The following CNTLN variants were observed in gnomAD, a reference collection of about 807,000 sequenced individuals.
CNTLN encodes the protein centlein, centrosomal protein.
CNTLN carries 212 observed loss-of-function variants against 180.0 expected under a neutral mutation model. The ratio of observed to expected loss-of-function variants is 1.18; its 90% CI spans 1.05 to 1.32. CNTLN has a LOEUF of 1.32. CNTLN is among the 40% of genes most tolerant of loss of function. The pLI is 0.00. For missense variants in CNTLN, 2,095 were observed against 1,610.9 expected (o/e 1.30, Z -5.14); for synonymous variants, 722 against 563.1 (o/e 1.28, Z -3.99).
intron 18 of CNTLN, among the ~76,000 whole-genome samples, chr9:17,422,627 T>C (rs1037475222): frequency 1.3e-5 from 2 of 152,184 alleles, no homozygotes; most frequent in Non-Finnish European, 2.9e-5. Context: ...TGTGTTTTCT[T>C]GGTTCATTGA....
chr9:17,354,206 C>G (rs1487354266), intron 12 of CNTLN, among the ~76,000 whole-genome samples: 1 of 152,200 alleles, frequency 6.6e-6, no homozygotes, highest in Non-Finnish European at 1.5e-5. Context: ...CCCGCCATGC[C>G]TGAGCCTCCC....
At chr9:17,400,827 T>C (rs528125828) in intron 15 of CNTLN, among the ~76,000 whole-genome samples, 1 of 152,146 alleles carries the variant, frequency 6.6e-6, no homozygotes, top group Non-Finnish European at 1.5e-5. Flanking sequence ...ATATGAAAAA[T>C]TCTGCAATCA....
chr9:17,462,961 T>C lies in CNTLN; in HGVS notation c.3352T>C (p.Leu1118=). Residue 1118 remains leucine (L), a synonymous_variant, in exon 20 of 26, where the codon TTG becomes CTG. Transcript: ENST00000380647. ...LTKQSSNVKT[L]KFELLAKEEH... Reference sequence around the variant, plus strand: ...TAAACAGTCATCAAATGTGAAGACTTTGAAATTTGAACTCCTAGCAAAAGA... The same window carrying C: ...TAAACAGTCATCAAATGTGAAGACTCTGAAATTTGAACTCCTAGCAAAAGA... The C allele has an allele frequency of 6.3e-7, 1 of 1,584,526 alleles. No homozygotes were observed. The highest frequency in any genetic ancestry group is 8.6e-7 in the Non-Finnish European group (1 of 1,169,000).
chr9:17,483,343 A>G (rs1035269201), intron 23 of CNTLN, among the ~76,000 whole-genome samples: 2 of 152,080 alleles, frequency 1.3e-5, no homozygotes, highest in Non-Finnish European at 2.9e-5. Context: ...CTTTTTATAC[A>G]TTCTTTGTGG....
chr9:17,298,944 A>G (rs1032791375), intron 7 of CNTLN: 1 of 981,652 alleles, frequency 1.0e-6, no homozygotes, highest in Non-Finnish European at 1.2e-6. Context: ...TCTACTAATT[A>G]AAAAAAATAC....
chr9:17,425,757 G>C (rs1829039769), intron 18 of CNTLN, among the ~76,000 whole-genome samples: 1 of 152,076 alleles, frequency 6.6e-6, no homozygotes, highest in African/African-American at 2.4e-5. Context: ...AAAAACCTTG[G>C]ATTGGCTGAA....
At chr9:17,526,851 T>A in the CNTLN span, among the ~76,000 whole-genome samples, 1 of 137,396 alleles carries the variant, frequency 7.3e-6, no homozygotes, top group African/African-American at 3.3e-5. Flanking sequence ...CTAATCTCTC[T>A]TTTTTTTTTG....
chr9:17,267,472 T>G (rs1205744728), intron 5 of CNTLN, among the ~76,000 whole-genome samples: 1 of 152,136 alleles, frequency 6.6e-6, no homozygotes, highest in Non-Finnish European at 1.5e-5. Flanking sequence ...GCCCTTAACA[T>G]TTTTTCCTTC....
chr9:17,457,739 T>C, intron 19 of CNTLN, 24 bp downstream of exon 19: 2 of 1,343,236 alleles, frequency 1.5e-6, no homozygotes, highest in Non-Finnish European at 2.0e-6. Flanking sequence ...TTATTAAGCA[T>C]GAAAACATAC....
intron 18 of CNTLN, among the ~76,000 whole-genome samples, chr9:17,417,827 G>T (rs1160312558): frequency 6.6e-6 from 1 of 151,336 alleles, no homozygotes; most frequent in East Asian, 1.9e-4. Context: ...TCTAATTTTT[G>T]AGGTGCCATA....
At chr9:17,236,348 T>G (rs142154550) in intron 4 of CNTLN, 61 bp from the exon 5 acceptor site, 3 of 1,391,524 alleles carry the variant, frequency 2.2e-6, no homozygotes, top group Non-Finnish European at 1.9e-6. Context: ...GTGCTCACCA[T>G]TTTTTGGGTT....
intron 13 of CNTLN, among the ~76,000 whole-genome samples, chr9:17,387,913 G>T (rs1825805074): frequency 6.8e-6 from 1 of 147,640 alleles, no homozygotes; most frequent in Non-Finnish European, 1.5e-5. Context: ...TTGTTAACCT[G>T]AAGATCTATT....
chr9:17,284,232 T>C (rs1018451247), intron 6 of CNTLN, among the ~76,000 whole-genome samples: 9 of 152,138 alleles, frequency 5.9e-5, no homozygotes, highest in Admixed American at 5.9e-4. Flanking sequence ...TGGCCTGAAG[T>C]TTTTATTTTC....
intron 19 of CNTLN, among the ~76,000 whole-genome samples, chr9:17,462,550 G>A (rs542596200): frequency 5.9e-5 from 9 of 151,858 alleles, no homozygotes; most frequent in African/African-American, 2.2e-4. Context: ...TTTCGTCTAA[G>A]ATGTTAGTAA....
chr9:17,294,693 C>T (rs1000384594), intron 6 of CNTLN, among the ~76,000 whole-genome samples: 33 of 145,724 alleles, frequency 2.3e-4, no homozygotes, highest in Non-Finnish European at 4.1e-4. Context: ...ACTCCTCAGC[C>T]CTTGGATGGG....
intron 25 of CNTLN, chr9:17,495,086 C>T (rs1015763237): frequency 2.8e-6 from 1 of 356,180 alleles, no homozygotes; most frequent in Non-Finnish European, 5.5e-6. Context: ...TGCCATGTTG[C>T]CCAGGCTGGT....
At chr9:17,496,490 A>G (rs897472891) in intron 25 of CNTLN, among the ~76,000 whole-genome samples, 6 of 152,172 alleles carry the variant, frequency 3.9e-5, no homozygotes, top group Non-Finnish European at 5.9e-5. Context: ...TTCCATCCTC[A>G]TGACCTAATT....
chr9:17,266,005 ATT>A (rs1270337979), intron 5 of CNTLN, among the ~76,000 whole-genome samples: 1 of 151,982 alleles, frequency 6.6e-6, no homozygotes, highest in African/African-American at 2.4e-5. Flanking sequence ...GGATTCATTA[ATT>A]TTTTGAAGGG....
intron 23 of CNTLN, among the ~76,000 whole-genome samples, chr9:17,472,403 G>A (rs1588071427): frequency 6.6e-6 from 1 of 152,000 alleles, no homozygotes; most frequent in Non-Finnish European, 1.5e-5. Context: ...CTTAGCACCC[G>A]GATTATCTTT....
Sources: gnomAD v4.1 joint callset for allele counts (sites outside exome capture counted in the v4.1 genomes callset) on GRCh38, gnomAD v4.1.1 for gene constraint, MANE v1.5 for transcripts, NCBI Gene and HGNC (gene_info 2026-07-23, HGNC 2026-07-21) for gene names.